Variants in MEGF6 observed in about 807,000 individuals in gnomAD.
The protein encoded by MEGF6 is multiple epidermal growth factor-like domains protein 6.
In MEGF6, 184 loss-of-function variants were observed where a neutral mutation model predicts 207.1. The observed-to-expected ratio is 0.89, with a 90% confidence interval of 0.79 to 1.00. The LOEUF is 1.00. MEGF6 is among the 50% of genes least tolerant of loss of function. MEGF6 has a pLI of 0.00. For synonymous variants in MEGF6, 1,038 were observed against 910.0 expected, an observed-to-expected ratio of 1.14 and a Z score of -2.53; for missense variants, 2,282 against 2,202.9, an observed-to-expected ratio of 1.04 and a Z score of -0.72.
chr1:3,499,177 G>A lies in MEGF6; in HGVS notation c.3055C>T (p.His1019Tyr). Residue 1019 changes from histidine (H) to tyrosine (Y), a missense_variant, in exon 24 of 37, where the codon CAC (histidine) becomes TAC (tyrosine). Coordinates refer to ENST00000356575, the MANE Select transcript of MEGF6 (RefSeq NM_001409.4). ...ASCDPVHGQC[H>Y]CAPGWMGPSC... The stretch of plus-strand genomic sequence containing the variant: ...GGCCCCATCCAGCCAGGGGCACAGT[G>A]GCACTGCCCGTGGACAGGGTCACAG... 2 of 1,604,076 alleles carry A rather than the reference G, an allele frequency of 1.2e-6. No individual in the cohort carries two copies. The highest frequency in any genetic ancestry group is 1.1e-5 in the South Asian group (1 of 89,252).
At chr1:3,608,957 C>T (rs1403400741) in intron 1 of MEGF6, among the ~76,000 whole-genome samples, 1 of 152,228 alleles carries the variant, frequency 6.6e-6, no homozygotes, top group Admixed American at 6.5e-5. Context: ...CCCCTCGCTG[C>T]CTCCGACAGC....
intron 4 of MEGF6, among the ~76,000 whole-genome samples, chr1:3,542,647 G>A (rs533794951): frequency 9.2e-5 from 14 of 152,022 alleles, no homozygotes; most frequent in African/African-American, 9.7e-5. Flanking sequence ...CGTGGGCCCC[G>A]AGCATTTTCC....
intron 3 of MEGF6, among the ~76,000 whole-genome samples, chr1:3,582,407 C>A (rs569672239): frequency 6.6e-6 from 1 of 152,178 alleles, no homozygotes. Context: ...CCAGTCCAGT[C>A]GGGTCCACCC....
At chr1:3,493,967 G>A (rs75116314) in intron 33 of MEGF6, 29 bp downstream of exon 33, 37,744 of 1,585,658 alleles carry the variant, frequency 0.024, 533 homozygotes, top group Non-Finnish European at 0.029. Context: ...GCCAGGGAGC[G>A]GGGGTTCAGG....
intron 1 of MEGF6, among the ~76,000 whole-genome samples, chr1:3,607,978 C>G (rs2101904201): frequency 6.6e-6 from 1 of 152,294 alleles, no homozygotes; most frequent in East Asian, 1.9e-4. Flanking sequence ...GCTCAGCTCC[C>G]CAGCCTGGCT....
chr1:3,495,742 A>T (rs767303141), intron 30 of MEGF6, 148 bp downstream of exon 30: 3 of 1,016,510 alleles, frequency 3.0e-6, no homozygotes, highest in Non-Finnish European at 4.2e-6. Flanking sequence ...CAGCACTCTC[A>T]TCTCAGCCCC....
At chr1:3,504,887 G>T (rs1298444653) in intron 17 of MEGF6, among the ~76,000 whole-genome samples, 1 of 152,228 alleles carries the variant, frequency 6.6e-6, no homozygotes, top group Non-Finnish European at 1.5e-5. Flanking sequence ...AGCCCAGTCT[G>T]TTCTGGTCAA....
chr1:3,509,050 C>T, intron 12 of MEGF6, 25 bp downstream of exon 12: 2 of 1,515,776 alleles, frequency 1.3e-6, no homozygotes, highest in African/African-American at 1.4e-5. Context: ...GAGCAGGAGC[C>T]CCCGGGGGCT....
chr1:3,593,852 T>TG (rs1199704682), intron 3 of MEGF6, among the ~76,000 whole-genome samples: 1 of 152,134 alleles, frequency 6.6e-6, no homozygotes, highest in Non-Finnish European at 1.5e-5. Context: ...CTGCCAGCAG[T>TG]GGCCCCATCT....
At chr1:3,528,806 G>A (rs1000279575) in intron 4 of MEGF6, among the ~76,000 whole-genome samples, 1 of 152,198 alleles carries the variant, frequency 6.6e-6, no homozygotes, top group African/African-American at 2.4e-5. Context: ...AGAGCCTCCA[G>A]AAGGAGCACA....
chr1:3,602,545 C>T lies in MEGF6; in HGVS notation c.187G>A (p.Val63Met), dbSNP rs751129997. 2.7e-5 allele frequency: 43 copies of T among 1,612,766 alleles called. No homozygotes were observed. Among genetic ancestry groups the T allele is most frequent in the Non-Finnish European group, 3.5e-5 (41 of 1,179,774 alleles). The part of the protein sequence containing the change: ...LTLVGRRQPC[V>M]QALSHTVPVW... ...GGCACCGTGTGGCTTAAGGCCTGCA[C>T]GCACGGCTGGCGGCGGCCCACCAGG... is the stretch of plus-strand genomic sequence containing the variant. Residue 63 changes from valine (V) to methionine (M), a missense_variant, in exon 2 of 37, where the codon GTG becomes ATG. Val to Met is a conservative substitution (Grantham distance 21). Transcript: ENST00000356575.
the MEGF6 span, among the ~76,000 whole-genome samples, chr1:3,616,661 A>G: frequency 1.3e-5 from 2 of 152,224 alleles, no homozygotes; most frequent in Non-Finnish European, 2.9e-5. Context: ...AACTGAGTCT[A>G]TGGCCAGCCT....
chr1:3,503,598 A>G (rs1640989377), intron 17 of MEGF6, among the ~76,000 whole-genome samples: 2 of 151,890 alleles, frequency 1.3e-5, no homozygotes, highest in African/African-American at 4.8e-5. Flanking sequence ...CAGGGACTGG[A>G]AGGAGGGTCA....
intron 17 of MEGF6, among the ~76,000 whole-genome samples, chr1:3,504,659 C>T (rs956923145): frequency 6.6e-5 from 10 of 152,128 alleles, no homozygotes; most frequent in Non-Finnish European, 1.5e-4. Flanking sequence ...TCTCAGCCAG[C>T]TCCTAACAGC....
chr1:3,597,776 A>C (rs1479129703), intron 2 of MEGF6, among the ~76,000 whole-genome samples: 1 of 151,968 alleles, frequency 6.6e-6, no homozygotes, highest in African/African-American at 2.4e-5. Flanking sequence ...CCACACCTTG[A>C]TCTCGGACTT....
intron 35 of MEGF6, among the ~76,000 whole-genome samples, chr1:3,492,072 C>G (rs1040008939): frequency 6.6e-6 from 1 of 152,016 alleles, no homozygotes; most frequent in Admixed American, 6.6e-5. Context: ...CTGTGCAGGA[C>G]TGCGTGCGTG....
In MEGF6 at chr1:3,507,963, G is replaced by T. The variant is rs373633361; in HGVS notation, c.1661-40C>A. On this transcript the variant is annotated intron_variant, in intron 13 of 36. Coordinates refer to ENST00000356575, the MANE Select transcript of MEGF6 (RefSeq NM_001409.4). ...AGGGAAGCGTCAGGGTCACCAGCCA[G>T]CACGACACTCTGAGACCCCTTCCTA... The T allele has an allele frequency of 1.0e-4, 159 of 1,594,270 alleles. 1 individual carries two copies. Among genetic ancestry groups the T allele is most frequent in the Non-Finnish European group, 1.3e-4 (152 of 1,167,880 alleles).
intron 4 of MEGF6, among the ~76,000 whole-genome samples, chr1:3,539,421 A>G (rs1642432360): frequency 6.6e-6 from 1 of 151,992 alleles, no homozygotes; most frequent in South Asian, 2.1e-4. Flanking sequence ...TCTCCTTCCT[A>G]GGAACACGGC....
chr1:3,524,529 T>C (rs1331415773), intron 4 of MEGF6, among the ~76,000 whole-genome samples: 1 of 152,200 alleles, frequency 6.6e-6, no homozygotes, highest in East Asian at 1.9e-4. Context: ...CTCTAGCGCC[T>C]TTCAAGACTG....
Sources: gnomAD v4.1 joint callset for allele counts (sites outside exome capture counted in the v4.1 genomes callset) on GRCh38, gnomAD v4.1.1 for gene constraint, MANE v1.5 for transcripts, NCBI Gene and HGNC (gene_info 2026-07-23, HGNC 2026-07-21) for gene names.